KHDRBS2: variants seen among roughly 807,000 people sequenced by gnomAD.
The protein encoded by KHDRBS2 is KH RNA binding domain containing, signal transduction associated 2, also known as KH domain-containing, RNA-binding, signal transduction-associated protein 2.
KHDRBS2 carries 26 observed loss-of-function variants against 44.3 expected under a neutral mutation model. That is an observed-to-expected ratio of 0.59 (90% CI 0.43 to 0.81). KHDRBS2 has a LOEUF of 0.81. Among genes scored for constraint, KHDRBS2 ranks in the 40% least tolerant of loss-of-function variants. The pLI, the probability that KHDRBS2 is intolerant of heterozygous loss-of-function variation, is 0.00. For synonymous variants in KHDRBS2, 194 were observed against 151.1 expected, an observed-to-expected ratio of 1.28 and a Z score of -2.08; for missense variants, 476 against 433.1, an observed-to-expected ratio of 1.10 and a Z score of -0.88.
At chr6:61,841,390 A>C (rs1178519116) in intron 6 of KHDRBS2, among the ~76,000 whole-genome samples, 1 of 152,010 alleles carries the variant, frequency 6.6e-6, no homozygotes, top group African/African-American at 2.4e-5. Context: ...TTCAACTTGA[A>C]TACATTTATA....
intron 4 of KHDRBS2, among the ~76,000 whole-genome samples, chr6:61,927,869 C>T (rs1168579150): frequency 2.0e-5 from 3 of 152,026 alleles, no homozygotes; most frequent in African/African-American, 7.2e-5. Context: ...AAAATTGTGG[C>T]ATGTGATAGT....
chr6:61,814,053 A>T, intron 6 of KHDRBS2: 1 of 455,932 alleles, frequency 2.2e-6, no homozygotes, highest in Non-Finnish European at 4.4e-6. Context: ...CAACATATTT[A>T]TTCATTTATT....
intron 4 of KHDRBS2, 57 bp from the exon 5 acceptor site, chr6:61,901,428 G>GGAAA: frequency 7.9e-7 from 1 of 1,268,844 alleles, no homozygotes; most frequent in Non-Finnish European, 1.0e-6. Flanking sequence ...TCTCAGAGTT[G>GGAAA]GAAAAAAAAA....
At position 61,912,856 on chromosome 6, in the gene KHDRBS2, ATTG is replaced by A. The variant is rs146176025; in HGVS notation, c.484-11488_484-11486del. 2.3e-3 allele frequency among the ~76,000 whole-genome samples: 356 copies of A among 152,254 alleles called. 3 individuals carry two copies. The highest frequency in any genetic ancestry group is 8.4e-3 in the African/African-American group (351 of 41,560). ...GATATTCTTAGCAATCATGGGAATG[ATTG>A]TTGTTTTCTAAGGCTCCTTTCAGTT... is the stretch of plus-strand genomic sequence containing the variant. On this transcript the variant is annotated intron_variant, in intron 4 of 8. Transcript: ENST00000281156.
At chr6:61,780,155 T>C (rs1782711753) in intron 6 of KHDRBS2, among the ~76,000 whole-genome samples, 2 of 152,242 alleles carry the variant, frequency 1.3e-5, no homozygotes, top group South Asian at 4.1e-4. Flanking sequence ...ACTTAAACTA[T>C]TCTTTTTAAT....
chr6:61,833,059 A>G (rs1275283798), intron 6 of KHDRBS2, among the ~76,000 whole-genome samples: 1 of 152,208 alleles, frequency 6.6e-6, no homozygotes, highest in Non-Finnish European at 1.5e-5. Context: ...GTCATAATTT[A>G]GCAATTTAGT....
At chr6:61,955,035 T>C (rs1350326612) in intron 4 of KHDRBS2, among the ~76,000 whole-genome samples, 3 of 144,578 alleles carry the variant, frequency 2.1e-5, no homozygotes, top group Admixed American at 6.9e-5. Flanking sequence ...CATATATACA[T>C]ACATGTATGT....
chr6:61,583,783 C>A, the KHDRBS2 span, among the ~76,000 whole-genome samples: 1 of 151,624 alleles, frequency 6.6e-6, no homozygotes, highest in Admixed American at 6.6e-5. Flanking sequence ...CTGTACTGAA[C>A]ATATGGATCA....
Position 61,978,057 on chromosome 6 carries a change from G to C in KHDRBS2, c.483+9C>G. The C allele has an allele frequency of 6.4e-7, 1 of 1,571,610 alleles. No homozygotes were observed. Among genetic ancestry groups the C allele is most frequent in the Non-Finnish European group, 8.6e-7 (1 of 1,165,094 alleles). ...AGAAACATCTTTGTAAAAAATGAAA[G>C]ACACTTACAGGAACCAGGAATTTTT... On this transcript the variant is annotated intron_variant, in intron 4 of 8. Transcript: ENST00000281156.
the KHDRBS2 span, among the ~76,000 whole-genome samples, chr6:61,651,843 A>C: frequency 3.3e-5 from 5 of 152,134 alleles, no homozygotes; most frequent in African/African-American, 9.6e-5. Context: ...CTGGTAAAGA[A>C]GTGGGAGGCT....
intron 2 of KHDRBS2, among the ~76,000 whole-genome samples, chr6:62,070,338 T>A (rs1794717225): frequency 1.3e-5 from 2 of 151,474 alleles, no homozygotes; most frequent in African/African-American, 4.9e-5. Flanking sequence ...TTCACTTCTT[T>A]TTTTTTTTCT....
At chr6:61,797,725 T>TTG (rs56038952) in intron 6 of KHDRBS2, among the ~76,000 whole-genome samples, 3,435 of 114,758 alleles carry the variant, frequency 0.03, 43 homozygotes, top group East Asian at 0.041. Flanking sequence ...GTATGGTGTT[T>TTG]TGTGTGTGTG....
At chr6:61,929,292 G>A (rs1283963305) in intron 4 of KHDRBS2, among the ~76,000 whole-genome samples, 1 of 152,102 alleles carries the variant, frequency 6.6e-6, no homozygotes, top group Non-Finnish European at 1.5e-5. Context: ...TTTACTGATG[G>A]TTGTACTATA....
At chr6:62,120,842 C>A (rs374048974) in intron 2 of KHDRBS2, among the ~76,000 whole-genome samples, 1 of 152,196 alleles carries the variant, frequency 6.6e-6, no homozygotes, top group Non-Finnish European at 1.5e-5. Context: ...AAGGACCCCA[C>A]TACATTACCA....
chr6:62,248,628 G>A (rs1375870846), intron 1 of KHDRBS2, among the ~76,000 whole-genome samples: 1 of 152,050 alleles, frequency 6.6e-6, no homozygotes, highest in East Asian at 1.9e-4. Flanking sequence ...AAAGTGCTGG[G>A]ATTACAGTCA....
chr6:61,940,361 A>G (rs1277574263), intron 4 of KHDRBS2, among the ~76,000 whole-genome samples: 1 of 152,072 alleles, frequency 6.6e-6, no homozygotes, highest in Non-Finnish European at 1.5e-5. Context: ...CCATATTCCC[A>G]CCATGGACTC....
intron 3 of KHDRBS2, among the ~76,000 whole-genome samples, chr6:62,032,677 C>G (rs544857575): frequency 1.3e-5 from 2 of 151,924 alleles, no homozygotes; most frequent in South Asian, 4.2e-4. Flanking sequence ...CCCACAAAAG[C>G]AGAAACAACT....
intron 6 of KHDRBS2, among the ~76,000 whole-genome samples, chr6:61,773,587 G>A (rs1378269416): frequency 6.8e-6 from 1 of 148,122 alleles, no homozygotes; most frequent in Admixed American, 6.7e-5. Context: ...CTCCCATTTT[G>A]TAGGTTGCCT....
chr6:61,895,122 G>GA (rs59793779), intron 5 of KHDRBS2, among the ~76,000 whole-genome samples: 1,385 of 115,658 alleles, frequency 0.012, 8 homozygotes, highest in South Asian at 0.023. Context: ...CCCAAAGCCA[G>GA]AAAAAAAAAA....
Sources: allele counts gnomAD v4.1 joint callset (sites outside exome capture counted in the v4.1 genomes callset), GRCh38; gene constraint gnomAD v4.1.1; transcripts MANE v1.5; gene names NCBI Gene and HGNC (gene_info 2026-07-23, HGNC 2026-07-21).